DENND4B: variants seen among roughly 807,000 people sequenced by gnomAD.
The protein encoded by DENND4B is DENN domain-containing protein 4B.
A neutral mutation model predicts 161.0 loss-of-function variants in DENND4B; 67 were observed. That is an observed-to-expected ratio of 0.42 (90% confidence interval 0.34 to 0.51). The LOEUF (loss-of-function observed/expected upper bound fraction) is 0.51, where lower values mean the gene tolerates loss of function less well. Among genes scored for constraint, DENND4B ranks in the 20% least tolerant of loss-of-function variants. The pLI, the probability that DENND4B is intolerant of heterozygous loss-of-function variation, is 0.08. For synonymous variants in DENND4B, 753 were observed against 813.8 expected (o/e 0.93, Z 1.27); for missense variants, 1,481 against 1,968.0 (o/e 0.75, Z 4.68).
chr1:153,940,246 T>C lies in DENND4B; in HGVS notation c.1513A>G (p.Lys505Glu). ...DTNTLFQTEE[K>E]KLLSPRTLPR... ...AGGGTCCGAGGGGAGAGGAGCTTCT[T>C]TTCCTCAGTCCTGTGAGAAAAGCAT... Residue 505 changes from lysine to glutamate, a missense_variant, in exon 11 of 28, where the codon AAG (lysine) becomes GAG (glutamate). Lys to Glu is a moderately conservative substitution (Grantham distance 56). Transcript: ENST00000361217. The surrounding 1 kb of genome is among the most constrained non-coding windows in gnomAD (Gnocchi z 5.6). 1 of 1,598,414 alleles carries C rather than the reference T, an allele frequency of 6.3e-7. No homozygotes were observed. Among genetic ancestry groups the C allele is most frequent in the Non-Finnish European group, 8.5e-7 (1 of 1,173,220 alleles).
In DENND4B at chr1:153,930,312, T is replaced by C; in HGVS notation, c.4476A>G (p.Ala1492=). Residue 1492 remains alanine, a synonymous_variant, in exon 28 of 28, where the codon GCA becomes GCG. Coordinates refer to ENST00000361217, the MANE Select transcript of DENND4B (RefSeq NM_014856.3). This position sits in a 1 kb window ranked among gnomAD's most constrained non-coding sequence, Gnocchi z 4.7. ...KAIDCRKCFG[A]PPEC is the part of the protein sequence containing the mutation. ...CTTAAGGTCTCTAGCATTCTGGAGGTGCTCCAAAACATTTTCGGCAGTCAA... is the reference window on the plus strand; with the variant it reads ...CTTAAGGTCTCTAGCATTCTGGAGGCGCTCCAAAACATTTTCGGCAGTCAA... 6.2e-7 allele frequency: 1 copy of C among 1,613,800 alleles called. No individual in the cohort carries two copies. Among genetic ancestry groups the C allele is most frequent in the Non-Finnish European group, 8.5e-7 (1 of 1,179,728 alleles).
rs1679356175 is a variant in DENND4B, at chr1:153,936,641, A to G, written c.2340T>C (p.Pro780=). The G allele has an allele frequency of 2.0e-5, 33 of 1,613,646 alleles. No individual in the cohort carries two copies. The highest frequency in any genetic ancestry group is 2.7e-5 in the Non-Finnish European group (32 of 1,179,686). Residue 780 remains proline (P), a synonymous_variant, in exon 16 of 28, where the codon CCT becomes CCC. Coordinates refer to ENST00000361217, the MANE Select transcript of DENND4B (RefSeq NM_014856.3). The surrounding 1 kb of genome is among the most constrained non-coding windows in gnomAD (Gnocchi z 4.1). The part of the protein sequence containing the change: ...HCYGLWFLCL[P]AYVRSAPSRV... ...GGGAGGGTGCCGACCGCACATAGGCAGGCAGACACAGGAACCACAGCCCAT... is the reference window on the plus strand; with the variant it reads ...GGGAGGGTGCCGACCGCACATAGGCGGGCAGACACAGGAACCACAGCCCAT...
intron 17 of DENND4B, among the ~76,000 whole-genome samples, chr1:153,935,575 G>A (rs1679286343): frequency 6.6e-6 from 1 of 152,176 alleles, no homozygotes; most frequent in African/African-American, 2.4e-5. Context: ...TCGAACTCCT[G>A]ATCTCAGGTG....
At position 153,933,556 on chromosome 1, in the gene DENND4B, G is replaced by A. The variant is rs370956238; in HGVS notation, c.3257C>T (p.Pro1086Leu). The stretch of plus-strand genomic sequence containing the variant: ...CATGGGGCTGCGGCGGGCTGGGGGT[G>A]GCAGGTCAGGAGGCAGCTCAGGTGG... ...IPPPELPPDL[P>L]PPARRSPMDS... is the part of the protein sequence containing the mutation. Residue 1086 changes from proline to leucine, a missense_variant, in exon 20 of 28, where the codon CCA (proline) becomes CTA (leucine). Pro to Leu is a moderately conservative substitution (Grantham distance 98). Coordinates refer to ENST00000361217, the MANE Select transcript of DENND4B (RefSeq NM_014856.3). This position sits in a 1 kb window ranked among gnomAD's most constrained non-coding sequence, Gnocchi z 5.7. 1 of 1,550,856 alleles carries A rather than the reference G, an allele frequency of 6.4e-7. No homozygotes were observed.
intron 13 of DENND4B, among the ~76,000 whole-genome samples, chr1:153,938,627 G>A (rs1381853619): frequency 7.3e-5 from 11 of 151,358 alleles, no homozygotes; most frequent in Admixed American, 4.6e-4. Flanking sequence ...GCGTGAACCC[G>A]GGAGGCAGAG....
In DENND4B at chr1:153,934,824, C is replaced by T. The variant is rs887318699; in HGVS notation, c.2709G>A (p.Gln903=). The T allele has an allele frequency of 7.3e-7, 1 of 1,363,306 alleles. No homozygotes were observed. Among genetic ancestry groups the T allele is most frequent in the Non-Finnish European group, 1.0e-6 (1 of 983,646 alleles). The allele number at this position is 1,363,306 out of a possible 1,614,324, so 84.5% of individuals were successfully genotyped here. Residue 903 remains glutamine, a synonymous_variant, in exon 18 of 28, where the codon CAG becomes CAA. Coordinates refer to ENST00000361217, the MANE Select transcript of DENND4B (RefSeq NM_014856.3). This position sits in a 1 kb window ranked among gnomAD's most constrained non-coding sequence, Gnocchi z 5.3. ...ERQQQQQQQQ[Q]QQQQQQQEQV... ...GCTCCTGCTGCTGCTGCTGCTGCTGCTGCTGTTGCTGCTGCTGCTGCTGTT... is the reference window on the plus strand; with the variant it reads ...GCTCCTGCTGCTGCTGCTGCTGCTGTTGCTGTTGCTGCTGCTGCTGCTGTT...
In DENND4B at chr1:153,932,528, T is replaced by A; in HGVS notation, c.3760-88A>T. 1 of 1,559,064 alleles carries A rather than the reference T, an allele frequency of 6.4e-7. No individual in the cohort carries two copies. Among genetic ancestry groups the A allele is most frequent in the Non-Finnish European group, 8.7e-7 (1 of 1,150,906 alleles). Reference sequence around the variant, plus strand: ...CTGAGCCACCACATCCAACAGCTTTTGGGATGCCCCTTGCCCTCAAGGGCA... The same window carrying A: ...CTGAGCCACCACATCCAACAGCTTTAGGGATGCCCCTTGCCCTCAAGGGCA... On this transcript the variant is annotated intron_variant, in intron 23 of 27. Transcript: ENST00000361217. This position sits in a 1 kb window ranked among gnomAD's most constrained non-coding sequence, Gnocchi z 5.8.
Position 153,940,819 on chromosome 1 carries a change from GA to G in DENND4B, c.1326+84del. The G allele has an allele frequency of 6.7e-7, 1 of 1,493,764 alleles. No individual in the cohort carries two copies. The highest frequency in any genetic ancestry group is 8.9e-7 in the Non-Finnish European group (1 of 1,125,478). 92.5% of individuals were successfully genotyped at this position (1,493,764 alleles called of 1,614,324 possible). Reference sequence around the variant, plus strand: ...GGGCTGAGGATCCTCCACAAGGAAGGAAAAGGGAAGAGTCCAGGCAGGGATA... The same window carrying G: ...GGGCTGAGGATCCTCCACAAGGAAGGAAAGGGAAGAGTCCAGGCAGGGATA... On this transcript the variant is annotated intron_variant, in intron 9 of 27. Coordinates refer to ENST00000361217, the MANE Select transcript of DENND4B (RefSeq NM_014856.3). This position sits in a 1 kb window ranked among gnomAD's most constrained non-coding sequence, Gnocchi z 5.6.
chr1:153,933,817 T>A lies in DENND4B; in HGVS notation c.2996A>T (p.Asp999Val). ...EPRGSPVPWH[D>V]GSLSDLSLTG... ...CAGGCTCAGGTCTGAGAGACTTCCA[T>A]CGTGCCAGGGCACAGGTGATCCCCG... The change falls in exon 20 of 28, where the codon GAT becomes GTT. Residue 999 changes from aspartate to valine, a missense_variant. Asp to Val is a radical substitution (Grantham distance 152). Transcript: ENST00000361217. The surrounding 1 kb of genome is among the most constrained non-coding windows in gnomAD (Gnocchi z 5.7). The A allele has an allele frequency of 6.2e-7, 1 of 1,613,158 alleles. No individual in the cohort carries two copies. The highest frequency in any genetic ancestry group is 8.5e-7 in the Non-Finnish European group (1 of 1,179,756).
chr1:153,933,332 G>C lies in DENND4B; in HGVS notation c.3331-13C>G. ...GAGAGGCTGAGCTCTACCATGACAT[G>C]AGAAACCATGGTCAGCCAACCCCAT... On this transcript the variant is annotated splice_polypyrimidine_tract_variant and intron_variant, in intron 20 of 27. Transcript: ENST00000361217. The surrounding 1 kb of genome is among the most constrained non-coding windows in gnomAD (Gnocchi z 5.7). 3 of 1,613,348 alleles carry C rather than the reference G, an allele frequency of 1.9e-6. No individual in the cohort carries two copies. The highest frequency in any genetic ancestry group is 2.5e-6 in the Non-Finnish European group (3 of 1,179,650).
chr1:153,931,701 T>C (rs564083083), intron 24 of DENND4B, among the ~76,000 whole-genome samples: 4 of 151,660 alleles, frequency 2.6e-5, no homozygotes, highest in Admixed American at 6.6e-5. Context: ...TTTCACCGTG[T>C]TAGCCACGAT....
intron 1 of DENND4B, among the ~76,000 whole-genome samples, chr1:153,945,925 C>A (rs959779579): frequency 6.6e-6 from 1 of 152,192 alleles, no homozygotes; most frequent in Non-Finnish European, 1.5e-5. Flanking sequence ...TGCCGGGTGA[C>A]GGGAAGTTCG....
At position 153,941,307 on chromosome 1, in the gene DENND4B, C is replaced by G; in HGVS notation, c.1123-18G>C. 1 of 1,613,810 alleles carries G rather than the reference C, an allele frequency of 6.2e-7. No individual in the cohort carries two copies. The highest frequency in any genetic ancestry group is 8.5e-7 in the Non-Finnish European group (1 of 1,179,802). On this transcript the variant is annotated intron_variant, in intron 7 of 27. Transcript: ENST00000361217. ...GGAGACATCTGGAAGGGAAGAAGAGCCACGGCTCAGGGTAATGATGCCAAC... is the reference window on the plus strand; with the variant it reads ...GGAGACATCTGGAAGGGAAGAAGAGGCACGGCTCAGGGTAATGATGCCAAC...
In DENND4B at chr1:153,941,304, G is replaced by A. The variant is rs1679653418; in HGVS notation, c.1123-15C>T. The stretch of plus-strand genomic sequence containing the variant: ...TAGGGAGACATCTGGAAGGGAAGAA[G>A]AGCCACGGCTCAGGGTAATGATGCC... On this transcript the variant is annotated splice_polypyrimidine_tract_variant and intron_variant, in intron 7 of 27. Transcript: ENST00000361217. The A allele has an allele frequency of 1.2e-6, 2 of 1,613,766 alleles. No individual in the cohort carries two copies. The highest frequency in any genetic ancestry group is 2.2e-5 in the South Asian group (2 of 91,064).
intron 24 of DENND4B, among the ~76,000 whole-genome samples, chr1:153,931,735 A>T (rs1456838264): frequency 2.6e-5 from 4 of 151,600 alleles, no homozygotes; most frequent in Non-Finnish European, 5.9e-5. Context: ...TGACCTCATG[A>T]TCTGCCCACC....
Position 153,940,282 on chromosome 1 carries a change from A to G in DENND4B, c.1503-26T>C. 6.3e-7 allele frequency: 1 copy of G among 1,579,352 alleles called. No individual in the cohort carries two copies. On this transcript the variant is annotated intron_variant, in intron 10 of 27. Coordinates refer to ENST00000361217, the MANE Select transcript of DENND4B (RefSeq NM_014856.3). The surrounding 1 kb of genome is among the most constrained non-coding windows in gnomAD (Gnocchi z 5.6). ...CTGTGAGAAAAGCATAAGGGGAAAGAGTGGCGAGGCTCTGGGATAGGGTGA... is the reference window on the plus strand; with the variant it reads ...CTGTGAGAAAAGCATAAGGGGAAAGGGTGGCGAGGCTCTGGGATAGGGTGA...
At position 153,943,975 on chromosome 1, in the gene DENND4B, C is replaced by A. The variant is rs532057873; in HGVS notation, c.317+83G>T. The A allele has an allele frequency of 1.1e-5, 16 of 1,423,972 alleles. No individual in the cohort carries two copies. The East Asian group carries it at 3.9e-4, about 35-fold the overall frequency. The allele number at this position is 1,423,972 out of a possible 1,614,324, so 88.2% of individuals were successfully genotyped here. ...AGGCTCCCATCCCCATTGCCCTTCC[C>A]TTGTTCCATAGTCCTACCTCTCCCT... On this transcript the variant is annotated intron_variant, in intron 2 of 27. Coordinates refer to ENST00000361217, the MANE Select transcript of DENND4B (RefSeq NM_014856.3).
Position 153,933,141 on chromosome 1 carries a change from G to A in DENND4B, c.3453+56C>T. On this transcript the variant is annotated intron_variant, in intron 21 of 27. Transcript: ENST00000361217. This position sits in a 1 kb window ranked among gnomAD's most constrained non-coding sequence, Gnocchi z 5.7. ...CCTCCCCATCTCCTGCCTTGGACAG[G>A]GTGAGTGTGTGCTATGTGTGTTCAA... The A allele has an allele frequency of 1.2e-6, 2 of 1,611,950 alleles. No homozygotes were observed. The highest frequency in any genetic ancestry group is 2.2e-5 in the East Asian group (1 of 44,810).
rs776536222 is a variant in DENND4B, at chr1:153,944,370, G to C, written c.5C>G (p.Ala2Gly). 8 of 1,603,958 alleles carry C rather than the reference G, an allele frequency of 5.0e-6. No homozygotes were observed. The African/African-American group carries it at 1.1e-4, about 21-fold the overall frequency. Residue 2 changes from alanine (A) to glycine (G), a missense_variant, in exon 2 of 28, where the codon GCG (alanine) becomes GGG (glycine). Ala to Gly is a moderately conservative substitution (Grantham distance 60). Transcript: ENST00000361217. The surrounding 1 kb of genome is among the most constrained non-coding windows in gnomAD (Gnocchi z 4.8). M[A>G]EERPPRLVDY... ...CACCAGCCGGGGGGGCCGCTCCTCC[G>C]CCATGGCCCCCCCCTCACTCACTGC...
Sources: allele counts gnomAD v4.1 joint callset (sites outside exome capture counted in the v4.1 genomes callset), GRCh38; gene constraint gnomAD v4.1.1; non-coding constraint Gnocchi (gnomAD v3.1); transcripts MANE v1.5; gene names NCBI Gene and HGNC (gene_info 2026-07-23, HGNC 2026-07-21).